Variants in SULT2A1 observed in about 807,000 individuals in gnomAD.
The protein encoded by SULT2A1 is sulfotransferase 2A1.
In SULT2A1, 43 loss-of-function variants were observed where a neutral mutation model predicts 33.9. The observed-to-expected ratio is 1.27, with a 90% CI of 1.00 to 1.64. The LOEUF is 1.64. SULT2A1 is among the 40% of genes most tolerant of loss of function. The probability of loss-of-function intolerance (pLI) is 0.00; values close to 1 mark genes in which losing one functional copy is unlikely to be tolerated. For missense variants in SULT2A1, 300 were observed against 335.1 expected (o/e 0.90, Z 0.82); for synonymous variants, 125 against 113.6 (o/e 1.10, Z -0.64).
Position 47,871,555 on chromosome 19 carries a change from T to A in SULT2A1, c.758A>T (p.Asp253Val). ...GGCCACTGTGAAGTGATTTTTCCAGTCCCCAGATACACCTGGAAACAAGAA... is the reference window on the plus strand; with the variant it reads ...GGCCACTGTGAAGTGATTTTTCCAGACCCCAGATACACCTGGAAACAAGAA... ...AQLLRKGVSG[D>V]WKNHFTVAQA... Residue 253 changes from aspartate to valine, a missense_variant, in exon 6 of 6, where the codon GAC becomes GTC. Transcript: ENST00000222002. 1.2e-6 allele frequency: 2 copies of A among 1,613,326 alleles called. No individual in the cohort carries two copies. Among genetic ancestry groups the A allele is most frequent in the South Asian group, 1.1e-5 (1 of 91,054 alleles).
At chr19:47,882,283 G>A in intron 2 of SULT2A1, 73 bp from the exon 3 acceptor site, 1 of 1,541,504 alleles carries the variant, frequency 6.5e-7, no homozygotes, top group Non-Finnish European at 8.7e-7. Context: ...CACAAAAATG[G>A]AGAAAAAGCC....
At chr19:47,879,229 T>C in intron 3 of SULT2A1, 99 bp from the exon 4 acceptor site, 1 of 737,004 alleles carries the variant, frequency 1.4e-6, no homozygotes, top group Non-Finnish European at 2.4e-6. Flanking sequence ...TAACGTATGA[T>C]TGACAAATAA....
At position 47,879,088 on chromosome 19, in the gene SULT2A1, G is replaced by A. The variant is rs767678575; in HGVS notation, c.515C>T (p.Pro172Leu). 3.1e-6 allele frequency: 5 copies of A among 1,613,904 alleles called. No individual in the cohort carries two copies. The highest frequency in any genetic ancestry group is 1.7e-5 in the Admixed American group (1 of 59,976). The change falls in exon 4 of 6, where the codon CCC becomes CTC. Residue 172 changes from proline to leucine, a missense_variant. By Grantham distance (98) the Pro-to-Leu change is moderately conservative. Transcript: ENST00000222002. ...CAGGAAGTTTTTCTCCTCTCTCATG[G>A]GCATCCAGCCATGAATGTGGTCAAA... ...SWFDHIHGWM[P>L]MREEKNFLLL...
intron 4 of SULT2A1, among the ~76,000 whole-genome samples, chr19:47,875,215 G>A (rs1968532598): frequency 6.7e-6 from 1 of 150,008 alleles, no homozygotes; most frequent in African/African-American, 2.5e-5. Context: ...GAGAAGGAGG[G>A]AACCGCAGAA....
chr19:47,876,477 C>T (rs1968545008), intron 4 of SULT2A1, among the ~76,000 whole-genome samples: 1 of 151,966 alleles, frequency 6.6e-6, no homozygotes, highest in Non-Finnish European at 1.5e-5. Context: ...ATTGTGTGAT[C>T]CGAAAGGAAG....
At chr19:47,872,118 A>G (rs1053448027) in intron 5 of SULT2A1, among the ~76,000 whole-genome samples, 3 of 152,078 alleles carry the variant, frequency 2.0e-5, no homozygotes, top group African/African-American at 7.2e-5. Context: ...GGGTTTTGCC[A>G]TGTTGGCCAG....
intron 1 of SULT2A1, 36 bp from the exon 2 acceptor site, chr19:47,883,821 C>A: frequency 6.3e-7 from 1 of 1,593,100 alleles, no homozygotes; most frequent in South Asian, 1.1e-5. Context: ...TAAAATGTAC[C>A]ATCTCAGCCG....
At chr19:47,878,505 A>ATTTTTTTTTTT (rs34027366) in intron 4 of SULT2A1, among the ~76,000 whole-genome samples, 1 of 111,956 alleles carries the variant, frequency 8.9e-6, no homozygotes, top group African/African-American at 3.6e-5. Flanking sequence ...ACCTCTCTAG[A>ATTTTTTTTTTT]TTTTTTTTTT....
intron 4 of SULT2A1, among the ~76,000 whole-genome samples, chr19:47,877,051 T>A (rs1325790256): frequency 7.6e-6 from 1 of 131,816 alleles, no homozygotes; most frequent in Non-Finnish European, 1.6e-5. Context: ...CACTCCAGCC[T>A]GGGCGACAGA....
chr19:47,882,254 CCT>C, intron 2 of SULT2A1, 44 bp from the exon 3 acceptor site: 1 of 1,587,078 alleles, frequency 6.3e-7, no homozygotes, highest in Non-Finnish European at 8.6e-7. Flanking sequence ...TACAGTCAAT[CCT>C]CACTCTTTTT....
Position 47,882,210 on chromosome 19 carries a change from C to T in SULT2A1, c.346G>A (p.Val116Met), listed in dbSNP as rs763534870. 1 of 1,607,376 alleles carries T rather than the reference C, an allele frequency of 6.2e-7. No individual in the cohort carries two copies. The highest frequency in any genetic ancestry group is 1.1e-5 in the South Asian group (1 of 89,968). The change falls in exon 3 of 6, where the codon GTG becomes ATG. Residue 116 changes from valine (V) to methionine (M), a missense_variant and splice_region_variant. By Grantham distance (21) the Val-to-Met change is conservative (BLOSUM62 1). Transcript: ENST00000222002. ...PKSFFSSKAK[V>M]IYLMRNPRDV... ...CTGGGATTTCTCATGAGATAAATCACCTTAAATGGAAAAACGGGAGAATGA... is the reference window on the plus strand; with the variant it reads ...CTGGGATTTCTCATGAGATAAATCATCTTAAATGGAAAAACGGGAGAATGA...
intron 5 of SULT2A1, among the ~76,000 whole-genome samples, chr19:47,872,007 T>C (rs1968497355): frequency 6.6e-6 from 1 of 151,920 alleles, no homozygotes; most frequent in Admixed American, 6.6e-5. Context: ...AACCTCTGCC[T>C]CCCGAGTTCA....
intron 2 of SULT2A1, 129 bp from the exon 3 acceptor site, chr19:47,882,339 A>G (rs1968612014): frequency 1.0e-5 from 12 of 1,150,800 alleles, no homozygotes; most frequent in Non-Finnish European, 1.5e-5. Flanking sequence ...CTTTTAACAA[A>G]TTACTTACTG....
intron 1 of SULT2A1, among the ~76,000 whole-genome samples, chr19:47,885,348 T>A (rs1292549098): frequency 6.8e-6 from 1 of 148,034 alleles, no homozygotes; most frequent in East Asian, 2.1e-4. Flanking sequence ...ACTATTTGTA[T>A]TTTTGTGACT....
intron 4 of SULT2A1, among the ~76,000 whole-genome samples, chr19:47,876,911 A>G (rs188597417): frequency 4.6e-5 from 7 of 151,644 alleles, no homozygotes; most frequent in Admixed American, 1.3e-4. Flanking sequence ...TGTCTCTACT[A>G]AAAATACAAA....
chr19:47,886,098 C>G lies in SULT2A1; in HGVS notation c.136+24G>C, dbSNP rs574599594. The stretch of plus-strand genomic sequence containing the variant: ...ACAGGAACACAACCACAGCCTTTCT[C>G]AGTTCACGATTCTGCCTCCTTACCT... On this transcript the variant is annotated intron_variant, in intron 1 of 5. Transcript: ENST00000222002. The G allele has an allele frequency of 6.2e-6, 10 of 1,610,234 alleles. No individual in the cohort carries two copies. In the South Asian group the frequency reaches 1.1e-4, roughly 18 times the overall value.
At chr19:47,885,737 T>A (rs1285317267) in intron 1 of SULT2A1, among the ~76,000 whole-genome samples, 1 of 152,210 alleles carries the variant, frequency 6.6e-6, no homozygotes, top group East Asian at 1.9e-4. Context: ...GCCCTGATGA[T>A]TCTCCTATCT....
chr19:47,878,295 G>A (rs1031831659), intron 4 of SULT2A1, among the ~76,000 whole-genome samples: 3 of 151,870 alleles, frequency 2.0e-5, no homozygotes, highest in East Asian at 3.9e-4. Flanking sequence ...CCCTGGCCTC[G>A]GCTTCCCGAG....
At chr19:47,880,246 A>AAC (rs1555804741) in intron 3 of SULT2A1, among the ~76,000 whole-genome samples, 2 of 150,420 alleles carry the variant, frequency 1.3e-5, no homozygotes, top group African/African-American at 2.4e-5. Context: ...CAAAAAAAAA[A>AAC]AAAAAAAAAA....
Sources: gnomAD v4.1 joint callset for allele counts (sites outside exome capture counted in the v4.1 genomes callset) on GRCh38, gnomAD v4.1.1 for gene constraint, MANE v1.5 for transcripts, NCBI Gene and HGNC (gene_info 2026-07-23, HGNC 2026-07-21) for gene names.